WNT7B: variants seen among roughly 807,000 people sequenced by gnomAD.
WNT7B encodes the protein protein Wnt-7b.
WNT7B carries 19 observed loss-of-function variants against 38.2 expected under a neutral mutation model. That is an observed-to-expected ratio of 0.50 (90% CI 0.35 to 0.73). The LOEUF is 0.73. Among genes scored for constraint, WNT7B ranks in the 30% least tolerant of loss-of-function variants. The pLI is 0.01. For missense variants in WNT7B, 423 were observed against 507.9 expected (o/e 0.83, Z 1.61); for synonymous variants, 243 against 209.3 (o/e 1.16, Z -1.39).
At chr22:45,927,390 TCTCA>T in intron 3 of WNT7B, 2 of 1,516,854 alleles carry the variant, frequency 1.3e-6, no homozygotes, top group African/African-American at 1.4e-5. Context: ...ACTCTGCCCA[TCTCA>T]CTCTTGCCCA....
At chr22:45,926,171 G>A (rs1379742160) in intron 3 of WNT7B, 1 of 985,296 alleles carries the variant, frequency 1.0e-6, no homozygotes, top group Non-Finnish European at 1.2e-6. Flanking sequence ...GCCTCTCCCA[G>A]GAAGTGATCA....
intron 1 of WNT7B, among the ~76,000 whole-genome samples, chr22:45,969,390 G>A (rs1401222559): frequency 6.6e-6 from 1 of 152,242 alleles, no homozygotes; most frequent in Non-Finnish European, 1.5e-5. Flanking sequence ...TGGGACAGAA[G>A]CGCAGCCTGG....
chr22:45,963,983 C>A (rs749242705), intron 1 of WNT7B, among the ~76,000 whole-genome samples: 9 of 152,064 alleles, frequency 5.9e-5, no homozygotes, highest in Non-Finnish European at 5.9e-5. Flanking sequence ...AGCCCCCAGG[C>A]CACAAGCTGG....
At chr22:45,954,050 T>C (rs1239897892) in intron 1 of WNT7B, among the ~76,000 whole-genome samples, 1 of 152,156 alleles carries the variant, frequency 6.6e-6, no homozygotes, top group Non-Finnish European at 1.5e-5. Flanking sequence ...ATGTGGTCCA[T>C]CTATACAATG....
rs1307193832 is a variant in WNT7B, at chr22:45,975,714, C to T, written c.71+970G>A. 2 of 483,262 alleles carry T rather than the reference C, an allele frequency of 4.1e-6. No individual in the cohort carries two copies. The highest frequency in any genetic ancestry group is 3.4e-5 in the East Asian group (1 of 29,608). 29.9% of individuals were successfully genotyped at this position (483,262 alleles called of 1,614,324 possible). On this transcript the variant is annotated intron_variant, in intron 1 of 3. Transcript: ENST00000339464. This position sits in a 1 kb window ranked among gnomAD's most constrained non-coding sequence, Gnocchi z 6.6. ...CCTGTGGCCTGGACGGGGCTCGCCT[C>T]GGGGCAGCCGGCGGCGCACAGTAGG... is the stretch of plus-strand genomic sequence containing the variant.
At position 45,922,545 on chromosome 22, in the gene WNT7B, A is replaced by C; in HGVS notation, c.*311T>G. On this transcript the variant is annotated 3_prime_UTR_variant, in exon 4 of 4. Coordinates refer to ENST00000339464, the MANE Select transcript of WNT7B (RefSeq NM_058238.3). ...GGATACAGGTGTGTCCTGGACGTTC[A>C]TTTTCCCAGAGAGAAGAAAGAGAAC... The C allele has an allele frequency of 5.1e-6, 2 of 388,834 alleles. No individual in the cohort carries two copies. Among genetic ancestry groups the C allele is most frequent in the South Asian group, 8.1e-5 (2 of 24,612 alleles). The allele number at this position is 388,834 out of a possible 1,614,324, so 24.1% of individuals were successfully genotyped here.
At position 45,965,678 on chromosome 22, in the gene WNT7B, G is replaced by A. The variant is rs574515102; in HGVS notation, c.71+11006C>T. ...GTCTCAGAGCTCCTGGGTCAGGGGC[G>A]AAAGCAGGACAAGACCCAGAACAGA... On this transcript the variant is annotated intron_variant, in intron 1 of 3. Transcript: ENST00000339464. The surrounding 1 kb of genome is among the most constrained non-coding windows in gnomAD (Gnocchi z 6.5). Among the ~76,000 whole-genome samples, 97 of 152,322 alleles carry A rather than the reference G, an allele frequency of 6.4e-4. No individual in the cohort carries two copies. The highest frequency in any genetic ancestry group is 2.0e-3 in the African/African-American group (83 of 41,588).
At chr22:45,939,696 C>T (rs547625418) in intron 2 of WNT7B, among the ~76,000 whole-genome samples, 14 of 150,814 alleles carry the variant, frequency 9.3e-5, no homozygotes, top group Non-Finnish European at 1.3e-4. Context: ...TGGTGGTGCA[C>T]GTGCCTGTGG....
Position 45,944,937 on chromosome 22 carries a change from G to A in WNT7B, c.298+4983C>T, listed in dbSNP as rs182891138. Among the ~76,000 whole-genome samples, 122 of 152,238 alleles carry A rather than the reference G, an allele frequency of 8.0e-4. 1 individual carries two copies. Among genetic ancestry groups the A allele is most frequent in the East Asian group, 7.5e-3 (39 of 5,176 alleles). On this transcript the variant is annotated intron_variant, in intron 2 of 3. Transcript: ENST00000339464. ...AGTCAGATCCAGGTTCAATTGTCCC[G>A]TCTGCCCCTGACCAGATGACTTTGG... is the stretch of plus-strand genomic sequence containing the variant.
rs575378536 is a variant in WNT7B at position 45,975,465 on chromosome 22, A to G, written c.71+1219T>C. 17 of 700,442 alleles carry G rather than the reference A, an allele frequency of 2.4e-5. No individual in the cohort carries two copies. Among genetic ancestry groups the G allele is most frequent in the Admixed American group, 1.0e-4 (5 of 48,496 alleles). The allele number at this position is 700,442 out of a possible 1,614,324, so 43.4% of individuals were successfully genotyped here. On this transcript the variant is annotated intron_variant, in intron 1 of 3. Coordinates refer to ENST00000339464, the MANE Select transcript of WNT7B (RefSeq NM_058238.3). This position sits in a 1 kb window ranked among gnomAD's most constrained non-coding sequence, Gnocchi z 6.6. ...ACGCCCGCCCAGACCTGCAGGGCTC[A>G]GGCTAGGACGGGGGCTTCCAGTCCT...
At chr22:45,953,199 TGGCTTCCCCTCACAGTCACCGTGTCCTC>T (rs1476012244) in intron 1 of WNT7B, among the ~76,000 whole-genome samples, 268 of 49,908 alleles carry the variant, frequency 5.4e-3, no homozygotes, top group African/African-American at 9.8e-3. Context: ...TGTCCGTGCC[TGGCTTCCCCTCACAGTCACCGTGTCCTC>T]GGCTTCCCCT....
intron 3 of WNT7B, among the ~76,000 whole-genome samples, chr22:45,930,373 G>C (rs1055467587): frequency 6.6e-6 from 1 of 152,236 alleles, no homozygotes; most frequent in African/African-American, 2.4e-5. Flanking sequence ...TGCTGCCCTG[G>C]GTGCAGCCCC....
intron 3 of WNT7B, chr22:45,925,362 A>C (rs1931051991): frequency 2.0e-6 from 2 of 985,132 alleles, no homozygotes; most frequent in African/African-American, 3.5e-5. Context: ...GACTGGGGAG[A>C]CTGGAGAGAC....
chr22:45,972,593 T>C (rs1432329721), intron 1 of WNT7B: 4 of 154,694 alleles, frequency 2.6e-5, no homozygotes, highest in East Asian at 3.8e-4. Context: ...GCAGCTGCCA[T>C]TGGACGGGCC....
chr22:45,931,190 T>G lies in WNT7B; in HGVS notation c.478A>C (p.Ile160Leu). 6.3e-7 allele frequency: 1 copy of G among 1,599,654 alleles called. No individual in the cohort carries two copies. Among genetic ancestry groups the G allele is most frequent in the South Asian group, 1.1e-5 (1 of 91,070 alleles). ...TCCACGAAGCGCCGGGAGAAGTCGATGCCGTAACGCACGTCGGCCGAGCAG... is the reference window on the plus strand; with the variant it reads ...TCCACGAAGCGCCGGGAGAAGTCGAGGCCGTAACGCACGTCGGCCGAGCAG... ...GGCSADVRYG[I>L]DFSRRFVDAR... Residue 160 changes from isoleucine to leucine, a missense_variant, in exon 3 of 4, where the codon ATC becomes CTC. Ile to Leu is a conservative substitution (Grantham distance 5, BLOSUM62 2). Coordinates refer to ENST00000339464, the MANE Select transcript of WNT7B (RefSeq NM_058238.3).
At chr22:45,927,615 G>T in intron 3 of WNT7B, 1 of 872,030 alleles carries the variant, frequency 1.1e-6, no homozygotes, top group South Asian at 1.4e-5. Flanking sequence ...ATGGAACAGG[G>T]CCAGGTGCAG....
In WNT7B at chr22:45,956,693, C is replaced by T. The variant is rs1601735120; in HGVS notation, c.72-6547G>A. 2.0e-5 allele frequency among the ~76,000 whole-genome samples: 3 copies of T among 152,222 alleles called. No individual in the cohort carries two copies. The South Asian group carries it at 6.2e-4, about 31-fold the overall frequency. The stretch of plus-strand genomic sequence containing the variant: ...GAGGATAGATAAAAAAAGTGTGGTC[C>T]ATTCATGCAGCGTGACTACACGGTG... On this transcript the variant is annotated intron_variant, in intron 1 of 3. Coordinates refer to ENST00000339464, the MANE Select transcript of WNT7B (RefSeq NM_058238.3).
chr22:45,923,090 C>T lies in WNT7B; in HGVS notation c.816G>A (p.Glu272=). The T allele has an allele frequency of 6.2e-7, 1 of 1,613,610 alleles. No individual in the cohort carries two copies. The highest frequency in any genetic ancestry group is 8.5e-7 in the Non-Finnish European group (1 of 1,179,944). ...KPMETDLVYI[E]KSPNYCEEDA... ...CCTCCTCGCAGTAGTTGGGCGACTT[C>T]TCAATGTACACCAGGTCTGTCTCCA... Residue 272 remains glutamate, a synonymous_variant, in exon 4 of 4, where the codon GAG becomes GAA. Coordinates refer to ENST00000339464, the MANE Select transcript of WNT7B (RefSeq NM_058238.3).
rs78929188 is a variant in WNT7B at position 45,951,640 on chromosome 22, G to A, written c.72-1494C>T. Among the ~76,000 whole-genome samples, 77,295 of 151,646 alleles carry A rather than the reference G, an allele frequency of 0.51. 21,135 individuals carry two copies. The highest frequency in any genetic ancestry group is 0.71 in the African/African-American group (29,345 of 41,336). ...TTTCCTATGGATGGAACCATTCATT[G>A]TGTGACCTTTGGCGTCTGGCTTCTT... is the stretch of plus-strand genomic sequence containing the variant. On this transcript the variant is annotated intron_variant, in intron 1 of 3. Coordinates refer to ENST00000339464, the MANE Select transcript of WNT7B (RefSeq NM_058238.3). The surrounding 1 kb of genome is among the most constrained non-coding windows in gnomAD (Gnocchi z 4.8).
Sources: gnomAD v4.1 joint callset for allele counts (sites outside exome capture counted in the v4.1 genomes callset) on GRCh38, gnomAD v4.1.1 for gene constraint, Gnocchi (gnomAD v3.1) non-coding constraint, MANE v1.5 for transcripts, NCBI Gene and HGNC (gene_info 2026-07-23, HGNC 2026-07-21) for gene names.